ZNF469: variants seen among roughly 807,000 people sequenced by gnomAD.
ZNF469 encodes zinc finger protein 469.
In ZNF469, 1 loss-of-function variant was observed where a neutral mutation model predicts 1.0. The observed-to-expected ratio is 1.00, with a 90% CI of 0.35 to 4.73. The LOEUF (loss-of-function observed/expected upper bound fraction) is 4.73. Among genes scored for constraint, ZNF469 ranks in the 30% most tolerant of loss-of-function variants. The pLI is 0.16. For synonymous variants in ZNF469, 2,703 were observed against 2,363.4 expected, an observed-to-expected ratio of 1.14 and a Z score of -4.17; for missense variants, 6,100 against 5,356.3, an observed-to-expected ratio of 1.14 and a Z score of -4.33.
At chr16:88,289,238 T>G in the ZNF469 span, among the ~76,000 whole-genome samples, 2 of 150,642 alleles carry the variant, frequency 1.3e-5, no homozygotes, top group Non-Finnish European at 2.9e-5. Flanking sequence ...ATGATGATGA[T>G]GAAGGTGATA....
At position 88,433,280 on chromosome 16, in the gene ZNF469, C is replaced by T; in HGVS notation, c.5810C>T (p.Pro1937Leu). 1 of 1,550,352 alleles carries T rather than the reference C, an allele frequency of 6.5e-7. No individual in the cohort carries two copies. ...PAAQSPPRVN[P>L]SGLEGGTVEG... is the part of the protein sequence containing the mutation. ...GCCCAGAGCCCTCCACGAGTGAACC[C>T]CTCAGGTCTGGAAGGGGGCACTGTG... Residue 1937 changes from proline to leucine, a missense_variant, in exon 3 of 3, where the codon CCC becomes CTC. Pro to Leu is a moderately conservative substitution (Grantham distance 98). Transcript: ENST00000565624.
chr16:88,267,189 CT>C, the ZNF469 span, among the ~76,000 whole-genome samples: 1 of 152,252 alleles, frequency 6.6e-6, no homozygotes, highest in African/African-American at 2.4e-5. Flanking sequence ...TCATCTGCCC[CT>C]GTCACTTTGG....
In ZNF469 at chr16:88,434,086, C is replaced by G. The variant is rs1327151619; in HGVS notation, c.6616C>G (p.Pro2206Ala). Residue 2206 changes from proline (P) to alanine (A), a missense_variant, in exon 3 of 3, where the codon CCC (proline) becomes GCC (alanine). Coordinates refer to ENST00000565624, the MANE Select transcript of ZNF469 (RefSeq NM_001367624.2). The part of the protein sequence containing the change: ...PPSLTTSPCD[P>A]KEALAGCLLQ... ...GTCTTTGACAACAAGCCCCTGCGAT[C>G]CCAAGGAAGCCCTGGCTGGTTGCCT... 2.6e-6 allele frequency: 4 copies of G among 1,550,274 alleles called. No individual in the cohort carries two copies. The highest frequency in any genetic ancestry group is 3.5e-6 in the Non-Finnish European group (4 of 1,146,954).
chr16:88,102,835 C>T, the ZNF469 span, among the ~76,000 whole-genome samples: 1 of 152,258 alleles, frequency 6.6e-6, no homozygotes, highest in African/African-American at 2.4e-5. Flanking sequence ...CCTCCATCCG[C>T]CGGGACCTGG....
the ZNF469 span, among the ~76,000 whole-genome samples, chr16:88,109,761 C>G: frequency 6.6e-6 from 1 of 151,464 alleles, no homozygotes; most frequent in Non-Finnish European, 1.5e-5. Context: ...GCTGTCTCCT[C>G]TCCGGGATCA....
the ZNF469 span, chr16:88,178,702 G>A: frequency 6.6e-6 from 1 of 152,216 alleles, no homozygotes; most frequent in South Asian, 2.1e-4. Flanking sequence ...GTGCAGACTT[G>A]GGCCTTCCCA....
the ZNF469 span, among the ~76,000 whole-genome samples, chr16:88,359,811 A>T: frequency 1.3e-5 from 2 of 152,214 alleles, no homozygotes; most frequent in Non-Finnish European, 2.9e-5. Context: ...TTCTACAGTG[A>T]TGATCCATAT....
At chr16:88,417,843 C>T (rs1416812362) in intron 1 of ZNF469, among the ~76,000 whole-genome samples, 4 of 152,198 alleles carry the variant, frequency 2.6e-5, no homozygotes, top group African/African-American at 7.2e-5. Flanking sequence ...GGGGAGTGTG[C>T]GTGAGCCCAC....
the ZNF469 span, among the ~76,000 whole-genome samples, chr16:88,147,660 C>T: frequency 6.6e-6 from 1 of 152,074 alleles, no homozygotes; most frequent in Admixed American, 6.5e-5. Context: ...CGCTGTGCCC[C>T]CTGCCAGCTA....
the ZNF469 span, among the ~76,000 whole-genome samples, chr16:88,226,063 G>A: frequency 5.3e-5 from 8 of 152,168 alleles, no homozygotes; most frequent in African/African-American, 1.7e-4. Flanking sequence ...CAGTGGCCCC[G>A]CTGGTGTCTG....
the ZNF469 span, among the ~76,000 whole-genome samples, chr16:88,203,569 G>A: frequency 9.2e-5 from 14 of 152,308 alleles, no homozygotes; most frequent in African/African-American, 3.4e-4. Flanking sequence ...TCAGCCTGGA[G>A]ACCAAAATCC....
chr16:88,252,115 G>T, the ZNF469 span, among the ~76,000 whole-genome samples: 67 of 143,190 alleles, frequency 4.7e-4, no homozygotes, highest in African/African-American at 1.6e-3. Context: ...CACAGCTGGG[G>T]CATGCACTCA....
chr16:88,251,312 C>T, the ZNF469 span, among the ~76,000 whole-genome samples: 17 of 152,182 alleles, frequency 1.1e-4, no homozygotes, highest in Non-Finnish European at 1.6e-4. Context: ...TCACACTTCC[C>T]TGTTTTGTTG....
At chr16:88,251,874 T>C in the ZNF469 span, among the ~76,000 whole-genome samples, 15 of 152,112 alleles carry the variant, frequency 9.9e-5, no homozygotes, top group East Asian at 2.9e-3. Flanking sequence ...TCTCTTCTTA[T>C]GGCTCCAGCT....
chr16:88,374,104 A>G, the ZNF469 span, among the ~76,000 whole-genome samples: 1 of 152,190 alleles, frequency 6.6e-6, no homozygotes, highest in Non-Finnish European at 1.5e-5. Flanking sequence ...GACTCAGCCC[A>G]TCACAGATGC....
chr16:88,414,579 G>A (rs558345254), intron 1 of ZNF469, among the ~76,000 whole-genome samples: 68 of 152,362 alleles, frequency 4.5e-4, no homozygotes, highest in Middle Eastern at 3.4e-3. Context: ...GGCTGGGAGC[G>A]GGCCCCACGG....
the ZNF469 span, among the ~76,000 whole-genome samples, chr16:88,356,672 T>C: frequency 5.9e-5 from 9 of 152,024 alleles, no homozygotes; most frequent in Non-Finnish European, 1.0e-4. Context: ...GCCAGATACA[T>C]GAACAAGGCA....
the ZNF469 span, among the ~76,000 whole-genome samples, chr16:88,188,813 C>T: frequency 3.3e-5 from 5 of 152,102 alleles, no homozygotes; most frequent in African/African-American, 4.8e-5. Context: ...TGTGAGATTC[C>T]GGGGGCACCT....
the ZNF469 span, among the ~76,000 whole-genome samples, chr16:88,250,805 C>T: frequency 1.3e-5 from 2 of 152,106 alleles, no homozygotes; most frequent in Non-Finnish European, 2.9e-5. Context: ...TTTTGAGCTC[C>T]AGATTTATCA....
Sources: gnomAD v4.1 joint callset for allele counts (sites outside exome capture counted in the v4.1 genomes callset) on GRCh38, gnomAD v4.1.1 for gene constraint, MANE v1.5 for transcripts, NCBI Gene and HGNC (gene_info 2026-07-23, HGNC 2026-07-21) for gene names.